The following CACNA1D variants were observed in gnomAD, a reference collection of about 807,000 sequenced individuals.
CACNA1D encodes the protein voltage-dependent L-type calcium channel subunit alpha-1D.
CACNA1D carries 55 observed loss-of-function variants against 257.1 expected under a neutral mutation model. The observed-to-expected ratio is 0.21, with a 90% confidence interval of 0.17 to 0.27. The LOEUF (loss-of-function observed/expected upper bound fraction) is 0.27, where lower values mean the gene tolerates loss of function less well. CACNA1D is among the 10% of genes least tolerant of loss of function. The probability of loss-of-function intolerance (pLI) is 1.00; values close to 1 mark genes in which losing one functional copy is unlikely to be tolerated. For missense variants in CACNA1D, 1,876 were observed against 2,784.0 expected (o/e 0.67, Z 7.34); for synonymous variants, 980 against 1,014.9 (o/e 0.97, Z 0.65).
In CACNA1D at chr3:53,735,590, C is replaced by T. The variant is rs2095049846; in HGVS notation, c.2751+87C>T. 11 of 1,444,450 alleles carry T rather than the reference C, an allele frequency of 7.6e-6. No individual in the cohort carries two copies. The East Asian group carries it at 2.5e-4, about 33-fold the overall frequency. 89.5% of individuals were successfully genotyped at this position (1,444,450 alleles called of 1,614,324 possible). A position where few individuals can be genotyped will look rare whatever the true frequency, so the allele number is the denominator to read the frequency against. On this transcript the variant is annotated intron_variant, in intron 20 of 47. Transcript: ENST00000350061. Reference sequence around the variant, plus strand: ...TGTAGAGATGGGAGCTGTGGAGGCCCTCAAGGTGACAGCTAGAGTAGGTCT... The same window carrying T: ...TGTAGAGATGGGAGCTGTGGAGGCCTTCAAGGTGACAGCTAGAGTAGGTCT...
chr3:53,562,135 A>G (rs1428479304), intron 3 of CACNA1D, among the ~76,000 whole-genome samples: 2 of 152,212 alleles, frequency 1.3e-5, no homozygotes, highest in African/African-American at 2.4e-5. Flanking sequence ...GTGGTTCTCA[A>G]CTGGCATTAC....
intron 4 of CACNA1D, among the ~76,000 whole-genome samples, chr3:53,658,853 T>A (rs2094174610): frequency 6.6e-6 from 1 of 152,208 alleles, no homozygotes; most frequent in Non-Finnish European, 1.5e-5. Context: ...TTTTCCCTCC[T>A]GGCTGGGTTC....
intron 8 of CACNA1D, among the ~76,000 whole-genome samples, chr3:53,687,727 T>C (rs1055071773): frequency 6.6e-6 from 1 of 152,194 alleles, no homozygotes; most frequent in Non-Finnish European, 1.5e-5. Flanking sequence ...CTTACATCTG[T>C]GTATCTAGAA....
intron 39 of CACNA1D, chr3:53,781,933 T>C (rs895646538): frequency 2.1e-6 from 1 of 467,646 alleles, no homozygotes. Context: ...GAGGAATTAA[T>C]GTTTGAGGAC....
intron 3 of CACNA1D, among the ~76,000 whole-genome samples, chr3:53,642,934 C>A (rs989762614): frequency 6.6e-6 from 1 of 152,208 alleles, no homozygotes; most frequent in African/African-American, 2.4e-5. Context: ...TTGTGAGGTG[C>A]TTTATAGTTT....
At chr3:53,682,515 C>A (rs940235053) in intron 8 of CACNA1D, among the ~76,000 whole-genome samples, 1 of 149,998 alleles carries the variant, frequency 6.7e-6, no homozygotes, top group African/African-American at 2.5e-5. Flanking sequence ...TATGATCATG[C>A]TTCTGCACTC....
At chr3:53,572,362 G>GTTTATTTATTTATTTATTTA (rs1451533456) in intron 3 of CACNA1D, among the ~76,000 whole-genome samples, 1 of 45,550 alleles carries the variant, frequency 2.2e-5, no homozygotes, top group Non-Finnish European at 7.5e-5. Context: ...CCTCTGGTTT[G>GTTTATTTATTTATTTATTTA]TTTGTTTGTT....
chr3:53,761,583 GT>G (rs1559641115), intron 29 of CACNA1D, among the ~76,000 whole-genome samples: 1 of 152,226 alleles, frequency 6.6e-6, no homozygotes, highest in East Asian at 1.9e-4. Flanking sequence ...GCAATACCTG[GT>G]GACAGTGCTC....
chr3:53,545,793 T>TGGGGCAG (rs750280833), intron 3 of CACNA1D, among the ~76,000 whole-genome samples: 12 of 152,244 alleles, frequency 7.9e-5, no homozygotes, highest in South Asian at 6.2e-4. Flanking sequence ...AAAACAGAGT[T>TGGGGCAG]GGGGCAGGGG....
rs141102645 is a variant in CACNA1D at position 53,620,715 on chromosome 3, G to A, written c.484-30064G>A. On this transcript the variant is annotated intron_variant, in intron 3 of 47. Coordinates refer to ENST00000350061, the MANE Select transcript of CACNA1D (RefSeq NM_001128840.3). ...AAAGCATTTGCAATCATAGATTTGT[G>A]TAAGAACTTGATTTGCACCCTAAAT... 9.1e-3 allele frequency among the ~76,000 whole-genome samples: 1,381 copies of A among 152,348 alleles called. 12 individuals are homozygous for A. The highest frequency in any genetic ancestry group is 0.017 in the Middle Eastern group (5 of 294).
chr3:53,798,310 T>TGTGTGTGTGTGTGTGTGC (rs2095517634), intron 40 of CACNA1D, among the ~76,000 whole-genome samples: 1 of 129,544 alleles, frequency 7.7e-6, no homozygotes, highest in African/African-American at 2.6e-5. Context: ...TATGTGTGCG[T>TGTGTGTGTGTGTGTGTGC]GTGTGTGTGT....
intron 3 of CACNA1D, among the ~76,000 whole-genome samples, chr3:53,513,938 A>G (rs1437183995): frequency 6.6e-6 from 1 of 152,190 alleles, no homozygotes; most frequent in African/African-American, 2.4e-5. Context: ...TAACCTAGGT[A>G]TGTAGTAGGT....
chr3:53,801,342 G>C lies in CACNA1D; in HGVS notation c.5325G>C (p.Gly1775=), dbSNP rs201306126. ...CCCATGGAAAGCGGCCCAGCATTGG[G>C]AACCTTGAGCATGTGTCTGAAAATG... is the stretch of plus-strand genomic sequence containing the variant. ...KAAHGKRPSI[G]NLEHVSENGH... The change falls in exon 42 of 48, where the codon GGG becomes GGC. Residue 1775 remains glycine, a synonymous_variant. Coordinates refer to ENST00000350061, the MANE Select transcript of CACNA1D (RefSeq NM_001128840.3). The C allele has an allele frequency of 1.1e-5, 18 of 1,614,152 alleles. No individual in the cohort carries two copies. Among genetic ancestry groups the C allele is most frequent in the South Asian group, 2.2e-5 (2 of 91,078 alleles).
intron 3 of CACNA1D, among the ~76,000 whole-genome samples, chr3:53,544,499 G>T (rs1226915330): frequency 6.6e-6 from 1 of 151,956 alleles, no homozygotes; most frequent in Non-Finnish European, 1.5e-5. Flanking sequence ...ACTATGAAAA[G>T]GTCACAAGAA....
In CACNA1D at chr3:53,527,122, A is replaced by G. The variant is rs192113106; in HGVS notation, c.483+25402A>G. ...TCATTCAATCCTAGAACAATCTATG[A>G]TGAAACAAAGCAGGTATCACAATTC... On this transcript the variant is annotated intron_variant, in intron 3 of 47. Transcript: ENST00000350061. Among the ~76,000 whole-genome samples the G allele has an allele frequency of 6.5e-3, 993 of 152,360 alleles. 7 individuals are homozygous for G. The highest frequency in any genetic ancestry group is 0.011 in the Non-Finnish European group (760 of 68,038).
chr3:53,693,250 C>T (rs2094544407), intron 8 of CACNA1D, among the ~76,000 whole-genome samples: 3 of 152,232 alleles, frequency 2.0e-5, no homozygotes, highest in South Asian at 4.1e-4. Context: ...TGCAAAGGAG[C>T]AGGTCTTATT....
chr3:53,798,308 CGT>C (rs10581353), intron 40 of CACNA1D, among the ~76,000 whole-genome samples: 413 of 148,670 alleles, frequency 2.8e-3, no homozygotes, highest in African/African-American at 5.7e-3. Context: ...TGTATGTGTG[CGT>C]GTGTGTGTGT....
At chr3:53,645,578 T>C (rs2094010268) in intron 3 of CACNA1D, among the ~76,000 whole-genome samples, 1 of 152,210 alleles carries the variant, frequency 6.6e-6, no homozygotes, top group South Asian at 2.1e-4. Context: ...AGACTGTCCT[T>C]TCCCCACTCT....
intron 40 of CACNA1D, chr3:53,795,991 A>G (rs748627085): frequency 4.7e-4 from 91 of 195,558 alleles, no homozygotes; most frequent in Non-Finnish European, 6.2e-4. Context: ...ACCATTCACA[A>G]TGGACACAAA....
Sources: gnomAD v4.1 joint callset for allele counts (sites outside exome capture counted in the v4.1 genomes callset) on GRCh38, gnomAD v4.1.1 for gene constraint, MANE v1.5 for transcripts, NCBI Gene and HGNC (gene_info 2026-07-23, HGNC 2026-07-21) for gene names.